Variants in USP34 observed in about 807,000 individuals in gnomAD.
USP34 encodes ubiquitin specific peptidase 34.
A neutral mutation model predicts 460.3 loss-of-function variants in USP34; 70 were observed. The observed-to-expected ratio is 0.15, with a 90% confidence interval of 0.13 to 0.19. The LOEUF (loss-of-function observed/expected upper bound fraction) is 0.19. USP34 is among the 10% of genes least tolerant of loss of function. USP34 has a pLI of 1.00. For missense variants in USP34, 3,985 were observed against 4,236.2 expected (o/e 0.94, Z 1.65); for synonymous variants, 1,647 against 1,405.3 (o/e 1.17, Z -3.85).
intron 27 of USP34, among the ~76,000 whole-genome samples, chr2:61,307,355 A>C (rs1050442459): frequency 3.3e-5 from 5 of 151,688 alleles, no homozygotes; most frequent in Non-Finnish European, 5.9e-5. Flanking sequence ...TAGGAGATAT[A>C]CCTAATGTAA....
chr2:61,291,490 C>T (rs537455307), intron 33 of USP34, among the ~76,000 whole-genome samples: 3 of 152,254 alleles, frequency 2.0e-5, no homozygotes, highest in South Asian at 2.1e-4. Context: ...AAACTGGAAA[C>T]GATGCAGATG....
chr2:61,309,372 T>C (rs1290043910), intron 27 of USP34, among the ~76,000 whole-genome samples: 1 of 151,886 alleles, frequency 6.6e-6, no homozygotes, highest in Non-Finnish European at 1.5e-5. Context: ...AAACAGAATA[T>C]CCAACACAGG....
chr2:61,347,282 C>T (rs1691800468), intron 15 of USP34, among the ~76,000 whole-genome samples: 2 of 152,064 alleles, frequency 1.3e-5, no homozygotes, highest in East Asian at 3.9e-4. Flanking sequence ...GAAGGAAATA[C>T]CTTAGTAATT....
At position 61,241,766 on chromosome 2, in the gene USP34, C is replaced by A; in HGVS notation, c.6681G>T (p.Lys2227Asn). ...TDKFMDFSFE[K>N]THSAYMLFYK... ...AATTATACATGAAAAAAATGGTTAC[C>A]TTTTCAAAAGAGAAGTCCATAAATT... Residue 2227 changes from lysine (K) to asparagine (N), a missense_variant and splice_region_variant, in exon 52 of 80, where the codon AAG becomes AAT. Physicochemically the swap from Lys to Asn is moderately conservative, Grantham distance 94. Transcript: ENST00000398571. 6.5e-7 allele frequency: 1 copy of A among 1,526,762 alleles called. No individual in the cohort carries two copies. The allele number at this position is 1,526,762 out of a possible 1,614,324, so 94.6% of individuals were successfully genotyped here.
intron 67 of USP34, among the ~76,000 whole-genome samples, chr2:61,218,542 C>T (rs1248365091): frequency 1.3e-5 from 2 of 151,840 alleles, no homozygotes; most frequent in African/African-American, 2.4e-5. Flanking sequence ...CCAAACTCTC[C>T]ACTTTAGATT....
At chr2:61,219,164 T>C (rs1200033130) in intron 67 of USP34, among the ~76,000 whole-genome samples, 1 of 152,246 alleles carries the variant, frequency 6.6e-6, no homozygotes, top group Non-Finnish European at 1.5e-5. Flanking sequence ...GTTATTTTGT[T>C]ACTCAAACTG....
At chr2:61,365,256 T>C (rs1314652833) in intron 10 of USP34, among the ~76,000 whole-genome samples, 2 of 142,344 alleles carry the variant, frequency 1.4e-5, no homozygotes, top group African/African-American at 2.6e-5. Flanking sequence ...CATTTCAAAA[T>C]ACACACACAC....
intron 48 of USP34, among the ~76,000 whole-genome samples, chr2:61,253,402 C>A (rs1427807234): frequency 1.3e-5 from 2 of 152,170 alleles, no homozygotes; most frequent in African/African-American, 4.8e-5. Flanking sequence ...TTGACTGACT[C>A]CATTTTATAT....
chr2:61,300,126 T>C (rs1166262717), intron 29 of USP34, among the ~76,000 whole-genome samples: 1 of 152,196 alleles, frequency 6.6e-6, no homozygotes, highest in Non-Finnish European at 1.5e-5. Context: ...TGTTACTTTC[T>C]CCAAAGAAAC....
At chr2:61,336,269 G>A (rs1691412817) in intron 18 of USP34, among the ~76,000 whole-genome samples, 1 of 151,636 alleles carries the variant, frequency 6.6e-6, no homozygotes, top group Admixed American at 6.6e-5. Context: ...GTAACTACAG[G>A]TACGGGCCAC....
intron 75 of USP34, among the ~76,000 whole-genome samples, chr2:61,193,737 GAGA>G (rs1373474614): frequency 2.0e-5 from 3 of 152,158 alleles, no homozygotes; most frequent in Non-Finnish European, 4.4e-5. Context: ...TATAATCATG[GAGA>G]AGAAGAAATA....
chr2:61,190,417 G>GA lies in USP34; in HGVS notation c.9730-4dup. Reference sequence around the variant, plus strand: ...TCAGAAAACACTTGACTTTGAACCTGAAAAAGAAGATTTAAAAAAATCTCC... The same window carrying GA: ...TCAGAAAACACTTGACTTTGAACCTGAAAAAAGAAGATTTAAAAAAATCTCC... On this transcript the variant is annotated splice_polypyrimidine_tract_variant and splice_region_variant and intron_variant, in intron 77 of 79. Transcript: ENST00000398571. 1 of 1,599,074 alleles carries GA rather than the reference G, an allele frequency of 6.3e-7. No homozygotes were observed.
chr2:61,220,220 A>T, intron 67 of USP34, 90 bp downstream of exon 67: 1 of 1,055,178 alleles, frequency 9.5e-7, no homozygotes, highest in Admixed American at 2.7e-5. Flanking sequence ...GTATACAACA[A>T]TGGGCATGTC....
In USP34 at chr2:61,265,570, G is replaced by A; in HGVS notation, c.5618-13C>T. On this transcript the variant is annotated splice_polypyrimidine_tract_variant and intron_variant, in intron 42 of 79. Transcript: ENST00000398571. ...TAAGGTGCATGGGCTGCTGAAGAAA[G>A]AGGGAGGAAAAGATCCCCCCCAAAC... 6.3e-7 allele frequency: 1 copy of A among 1,578,910 alleles called. No individual in the cohort carries two copies. Among genetic ancestry groups the A allele is most frequent in the South Asian group, 1.2e-5 (1 of 84,954 alleles).
chr2:61,221,836 AT>A, intron 65 of USP34: 1 of 375,474 alleles, frequency 2.7e-6, no homozygotes, highest in Admixed American at 4.4e-5. Context: ...TGTCAAGAGT[AT>A]TTTGGAAAAG....
chr2:61,411,376 G>C (rs1428974280), intron 2 of USP34, among the ~76,000 whole-genome samples: 1 of 122,948 alleles, frequency 8.1e-6, no homozygotes, highest in African/African-American at 3.1e-5. Context: ...TCAAGATCCT[G>C]TCTCAAAAAA....
Position 61,256,365 on chromosome 2 carries a change from C to T in USP34, c.6221+19G>A. 1.3e-6 allele frequency: 2 copies of T among 1,591,418 alleles called. No individual in the cohort carries two copies. Among genetic ancestry groups the T allele is most frequent in the East Asian group, 2.2e-5 (1 of 44,504 alleles). On this transcript the variant is annotated intron_variant, in intron 48 of 79. Coordinates refer to ENST00000398571, the MANE Select transcript of USP34 (RefSeq NM_014709.4). ...CTTCTACGGTGAACATAATAAAAAT[C>T]ACATTTGAAAAAGCATACCTTTTTT...
intron 41 of USP34, among the ~76,000 whole-genome samples, chr2:61,274,962 A>C (rs1341800604): frequency 6.6e-6 from 1 of 152,178 alleles, no homozygotes; most frequent in African/African-American, 2.4e-5. Flanking sequence ...GAAGCTAAAT[A>C]TATTACATAT....
At chr2:61,306,303 C>G (rs1430794628) in intron 27 of USP34, among the ~76,000 whole-genome samples, 1 of 152,108 alleles carries the variant, frequency 6.6e-6, no homozygotes, top group African/African-American at 2.4e-5. Context: ...GCCAGTTTTC[C>G]CAGCATCATT....
Sources: allele counts gnomAD v4.1 joint callset (sites outside exome capture counted in the v4.1 genomes callset), GRCh38; gene constraint gnomAD v4.1.1; transcripts MANE v1.5; gene names NCBI Gene and HGNC (gene_info 2026-07-23, HGNC 2026-07-21).